Variants in F13A1 observed in about 807,000 individuals in gnomAD.
F13A1 encodes FSF, A subunit.
In F13A1, 47 loss-of-function variants were observed where a neutral mutation model predicts 80.1. The observed-to-expected ratio is 0.59, with a 90% CI of 0.46 to 0.75. F13A1 has a LOEUF of 0.75. Ranked by LOEUF, F13A1 falls within the 30% of genes least tolerant of loss-of-function variation. F13A1 has a pLI of 0.00. For synonymous variants in F13A1, 349 were observed against 344.9 expected (o/e 1.01, Z -0.13); for missense variants, 817 against 930.4 (o/e 0.88, Z 1.59).
At chr6:6,308,185 T>C (rs887337626) in intron 2 of F13A1, among the ~76,000 whole-genome samples, 7 of 152,074 alleles carry the variant, frequency 4.6e-5, no homozygotes, top group Non-Finnish European at 8.8e-5. Context: ...CCGCTAATTT[T>C]TGTATTTTTA....
intron 8 of F13A1, among the ~76,000 whole-genome samples, chr6:6,218,299 C>T (rs1757133318): frequency 6.6e-6 from 1 of 152,168 alleles, no homozygotes; most frequent in African/African-American, 2.4e-5. Context: ...CAAACCATTG[C>T]TGTCCCCCTG....
intron 10 of F13A1, among the ~76,000 whole-genome samples, chr6:6,185,129 C>CTTTTTTTT (rs113575772): frequency 6.8e-6 from 1 of 146,688 alleles, no homozygotes; most frequent in Non-Finnish European, 1.5e-5. Context: ...GAATCTCTCT[C>CTTTTTTTT]TTTTTTTTTT....
Position 6,201,869 on chromosome 6 carries a change from C to T in F13A1, c.1113-4543G>A, listed in dbSNP as rs535713864. Among the ~76,000 whole-genome samples the T allele has an allele frequency of 8.8e-4, 134 of 152,166 alleles. No individual in the cohort carries two copies. The Middle Eastern group carries it at 0.01, about 12-fold the overall frequency. ...TTTAGCATTTTTGCTGCAATTCATACGTGTCAGAGGATCTAATTTTCAATA... is the reference window on the plus strand; with the variant it reads ...TTTAGCATTTTTGCTGCAATTCATATGTGTCAGAGGATCTAATTTTCAATA... On this transcript the variant is annotated intron_variant, in intron 8 of 14. Coordinates refer to ENST00000264870, the MANE Select transcript of F13A1 (RefSeq NM_000129.4).
At chr6:6,316,134 T>C (rs1348640078) in intron 2 of F13A1, among the ~76,000 whole-genome samples, 4 of 81,202 alleles carry the variant, frequency 4.9e-5, no homozygotes, top group Admixed American at 2.6e-4. Context: ...TATATATATA[T>C]ATATATATAG....
rs1420900272 is a variant in F13A1, at chr6:6,210,348, T to TATATATATATATATATATATATA, written c.1112+11684_1112+11685insTATATATATATATATATATATAT. Among the ~76,000 whole-genome samples, 519 of 134,278 alleles carry TATATATATATATATATATATATA rather than the reference T, an allele frequency of 3.9e-3. 1 individual carries two copies. The highest frequency in any genetic ancestry group is 5.6e-3 in the South Asian group (23 of 4,144). 88.1% of individuals were successfully genotyped at this position (134,278 alleles called of 152,430 possible). ...TGATATATATATATATATATATATA[T>TATATATATATATATATATATATA]TTCTTTTTTTTTTTTAGAGGCAGTC... On this transcript the variant is annotated intron_variant, in intron 8 of 14. Transcript: ENST00000264870.
At chr6:6,301,328 C>T (rs946931254) in intron 3 of F13A1, among the ~76,000 whole-genome samples, 1 of 152,266 alleles carries the variant, frequency 6.6e-6, no homozygotes, top group East Asian at 1.9e-4. Context: ...CCACGCCCCT[C>T]GAAGTGTGCT....
intron 6 of F13A1, among the ~76,000 whole-genome samples, chr6:6,242,793 T>A (rs1489132441): frequency 6.6e-6 from 1 of 152,224 alleles, no homozygotes; most frequent in African/African-American, 2.4e-5. Context: ...TTTCTTCAAA[T>A]AATAGCATGG....
intron 11 of F13A1, among the ~76,000 whole-genome samples, chr6:6,179,557 C>T (rs998042352): frequency 6.6e-6 from 1 of 152,176 alleles, no homozygotes. Flanking sequence ...TGGCCAATGG[C>T]GGCCATCAAT....
At chr6:6,247,373 T>G (rs757745532) in intron 6 of F13A1, among the ~76,000 whole-genome samples, 1 of 152,244 alleles carries the variant, frequency 6.6e-6, no homozygotes, top group Non-Finnish European at 1.5e-5. Context: ...TATTTCTTTT[T>G]TTCAGTCTTT....
chr6:6,187,747 T>G (rs1761106257), intron 10 of F13A1, among the ~76,000 whole-genome samples: 1 of 103,556 alleles, frequency 9.7e-6, no homozygotes, highest in African/African-American at 3.8e-5. Context: ...TAAAATGAGT[T>G]AGGGAGGATT....
At position 6,180,962 on chromosome 6, in the gene F13A1, ACTC is replaced by A. The variant is rs550209077; in HGVS notation, c.1459+1023_1459+1025del. On this transcript the variant is annotated intron_variant, in intron 11 of 14. Coordinates refer to ENST00000264870, the MANE Select transcript of F13A1 (RefSeq NM_000129.4). ...TTTTATCCATTTACTAAAAATAAAT[ACTC>A]CTAAGAACCTCTGGCAGTGAATCAT... Among the ~76,000 whole-genome samples the A allele has an allele frequency of 7.2e-5, 11 of 152,278 alleles. No homozygotes were observed. The East Asian group carries it at 1.9e-3, about 27-fold the overall frequency.
chr6:6,171,486 C>T (rs971029251), intron 12 of F13A1, among the ~76,000 whole-genome samples: 3 of 152,226 alleles, frequency 2.0e-5, no homozygotes, highest in African/African-American at 7.2e-5. Flanking sequence ...ATCAGGCGGG[C>T]TCCACCTTCA....
rs572149073 is a variant in F13A1, at chr6:6,206,095, GTGTCTCCATAAT to G, written c.1113-8781_1113-8770del. 2.1e-3 allele frequency among the ~76,000 whole-genome samples: 322 copies of G among 152,262 alleles called. 2 individuals are homozygous for G. The highest frequency in any genetic ancestry group is 7.2e-3 in the African/African-American group (301 of 41,554). On this transcript the variant is annotated intron_variant, in intron 8 of 14. Transcript: ENST00000264870. ...AGTTTATATAATAAATTCTGGACAAGTGTCTCCATAATTATTGAAAAGGGTTAAAAGAATTCC... is the reference window on the plus strand; with the variant it reads ...AGTTTATATAATAAATTCTGGACAAGTATTGAAAAGGGTTAAAAGAATTCC...
chr6:6,251,004 T>C, intron 4 of F13A1, 75 bp from the exon 5 acceptor site: 1 of 1,159,540 alleles, frequency 8.6e-7, no homozygotes, highest in Non-Finnish European at 1.3e-6. Context: ...TATGCAAGTT[T>C]ATTTTGTTTC....
intron 2 of F13A1, among the ~76,000 whole-genome samples, chr6:6,307,896 CT>C (rs1293307783): frequency 1.3e-5 from 2 of 152,200 alleles, no homozygotes; most frequent in African/African-American, 4.8e-5. Context: ...GGTCCTCGTT[CT>C]GACTTCTAGA....
intron 3 of F13A1, among the ~76,000 whole-genome samples, chr6:6,283,110 A>G (rs1758089169): frequency 6.6e-6 from 1 of 152,238 alleles, no homozygotes; most frequent in Non-Finnish European, 1.5e-5. Context: ...ACACAGCATC[A>G]TTTCTGCAAT....
At chr6:6,218,006 T>G (rs138724979) in intron 8 of F13A1, among the ~76,000 whole-genome samples, 1 of 149,476 alleles carries the variant, frequency 6.7e-6, no homozygotes, top group East Asian at 2.0e-4. Flanking sequence ...ACAACAAAAA[T>G]AAAATAGATC....
intron 2 of F13A1, among the ~76,000 whole-genome samples, chr6:6,308,281 C>G (rs551476182): frequency 4.7e-4 from 71 of 152,254 alleles, no homozygotes; most frequent in African/African-American, 1.7e-3. Flanking sequence ...GCTTGGCTTT[C>G]CAAAGTGCTA....
chr6:6,194,702 C>T (rs949021477), intron 10 of F13A1, among the ~76,000 whole-genome samples: 2 of 152,198 alleles, frequency 1.3e-5, no homozygotes, highest in African/African-American at 4.8e-5. Flanking sequence ...TGCCCTGTCA[C>T]CTGGCATCTA....
Sources: allele counts gnomAD v4.1 joint callset (sites outside exome capture counted in the v4.1 genomes callset), GRCh38; gene constraint gnomAD v4.1.1; transcripts MANE v1.5; gene names NCBI Gene and HGNC (gene_info 2026-07-23, HGNC 2026-07-21).